SLC9A9: variants seen among roughly 807,000 people sequenced by gnomAD.
SLC9A9 encodes sodium/hydrogen exchanger 9.
In SLC9A9, 62 loss-of-function variants were observed where a neutral mutation model predicts 77.8. The ratio of observed to expected loss-of-function variants is 0.80; its 90% confidence interval spans 0.65 to 0.98. The LOEUF is 0.98. SLC9A9 is among the 50% of genes least tolerant of loss of function. The pLI is 0.00. For missense variants in SLC9A9, 775 were observed against 774.9 expected, an observed-to-expected ratio of 1.00 and a Z score of 0.00; for synonymous variants, 320 against 283.5, an observed-to-expected ratio of 1.13 and a Z score of -1.29.
At chr3:143,610,336 G>C (rs2038004659) in intron 6 of SLC9A9, among the ~76,000 whole-genome samples, 1 of 151,998 alleles carries the variant, frequency 6.6e-6, no homozygotes, top group Non-Finnish European at 1.5e-5. Context: ...CAGTAGAGAA[G>C]GGGTTTCGCC....
At chr3:143,617,948 T>A (rs2038134022) in intron 6 of SLC9A9, among the ~76,000 whole-genome samples, 1 of 151,678 alleles carries the variant, frequency 6.6e-6, no homozygotes, top group South Asian at 2.1e-4. Context: ...ACATAAAGAA[T>A]GGACTACAGG....
At chr3:143,363,433 T>C (rs1236015743) in intron 14 of SLC9A9, 51 bp downstream of exon 14, 3 of 1,544,050 alleles carry the variant, frequency 1.9e-6, no homozygotes, top group Non-Finnish European at 2.7e-6. Context: ...GAGCTTAAAG[T>C]AATTCTCTGC....
At chr3:143,376,821 A>T (rs955473059) in intron 13 of SLC9A9, among the ~76,000 whole-genome samples, 8 of 152,210 alleles carry the variant, frequency 5.3e-5, no homozygotes, top group African/African-American at 1.7e-4. Context: ...TTTTTCTCAA[A>T]ATACCATTAG....
chr3:143,330,537 T>C (rs565011649), intron 14 of SLC9A9, among the ~76,000 whole-genome samples: 1 of 152,354 alleles, frequency 6.6e-6, no homozygotes, highest in South Asian at 2.1e-4. Flanking sequence ...CAAAAATTTA[T>C]TATTAATGGC....
chr3:143,724,826 A>G (rs1934594208), intron 4 of SLC9A9, among the ~76,000 whole-genome samples: 1 of 152,200 alleles, frequency 6.6e-6, no homozygotes, highest in African/African-American at 2.4e-5. Flanking sequence ...CTCATGAATG[A>G]CATTCCTAGG....
intron 8 of SLC9A9, 63 bp from the exon 9 acceptor site, chr3:143,552,513 G>T (rs1353719497): frequency 2.1e-6 from 3 of 1,399,072 alleles, no homozygotes; most frequent in Non-Finnish European, 3.0e-6. Flanking sequence ...TCAAAGGTTA[G>T]GGCTATTCCA....
intron 14 of SLC9A9, among the ~76,000 whole-genome samples, chr3:143,322,316 G>T (rs1051276639): frequency 1.3e-5 from 2 of 152,164 alleles, no homozygotes; most frequent in Non-Finnish European, 2.9e-5. Flanking sequence ...AGAACTAAGA[G>T]ACTGAGGAAG....
intron 13 of SLC9A9, among the ~76,000 whole-genome samples, chr3:143,368,940 A>G (rs1307979437): frequency 6.6e-6 from 1 of 152,248 alleles, no homozygotes; most frequent in African/African-American, 2.4e-5. Context: ...CTGCATAGAA[A>G]GCAGTTTATA....
chr3:143,844,717 CTTT>C, intron 1 of SLC9A9, among the ~76,000 whole-genome samples: 1 of 10,738 alleles, frequency 9.3e-5, no homozygotes, highest in African/African-American at 5.7e-4. Flanking sequence ...CTTTCTCTTT[CTTT>C]CTTTCTTTCT....
intron 12 of SLC9A9, among the ~76,000 whole-genome samples, chr3:143,449,995 T>TATA (rs1345346057): frequency 3.5e-5 from 1 of 28,282 alleles, no homozygotes; most frequent in Admixed American, 6.1e-4. Context: ...TATATATACA[T>TATA]ATATATACAT....
intron 6 of SLC9A9, among the ~76,000 whole-genome samples, chr3:143,607,819 T>C (rs1159248226): frequency 6.6e-6 from 1 of 151,710 alleles, no homozygotes; most frequent in Admixed American, 6.6e-5. Flanking sequence ...ATAACAGATG[T>C]ATATTTAATA....
chr3:143,612,034 T>C (rs574083159), intron 6 of SLC9A9, among the ~76,000 whole-genome samples: 4 of 152,302 alleles, frequency 2.6e-5, no homozygotes, highest in African/African-American at 7.2e-5. Flanking sequence ...TAGGAAACTT[T>C]GAAGTTAAAG....
intron 5 of SLC9A9, among the ~76,000 whole-genome samples, chr3:143,660,864 A>C (rs1426818469): frequency 6.6e-6 from 1 of 152,212 alleles, no homozygotes; most frequent in Non-Finnish European, 1.5e-5. Flanking sequence ...GATTATGCTT[A>C]ACAAGGAAAA....
chr3:143,307,799 C>A (rs926604094), intron 14 of SLC9A9, among the ~76,000 whole-genome samples: 9 of 152,174 alleles, frequency 5.9e-5, no homozygotes, highest in African/African-American at 2.2e-4. Context: ...ACATGCAACC[C>A]ACTAGATACA....
chr3:143,571,114 C>T lies in SLC9A9; in HGVS notation c.1000+2974G>A, dbSNP rs550808761. Reference sequence around the variant, plus strand: ...CTCACTAGACGGATGTTCTTGAGGGCGCACTTTGAAAGGTCAGGGCCTGGG... The same window carrying T: ...CTCACTAGACGGATGTTCTTGAGGGTGCACTTTGAAAGGTCAGGGCCTGGG... On this transcript the variant is annotated intron_variant, in intron 8 of 15. Coordinates refer to ENST00000316549, the MANE Select transcript of SLC9A9 (RefSeq NM_173653.4). 7.9e-5 allele frequency among the ~76,000 whole-genome samples: 12 copies of T among 152,172 alleles called. No homozygotes were observed. In the East Asian group the frequency reaches 1.2e-3, roughly 15 times the overall value.
Position 143,461,760 on chromosome 3 carries a change from T to C in SLC9A9, c.1469+5277A>G, listed in dbSNP as rs552839688. On this transcript the variant is annotated intron_variant, in intron 12 of 15. Coordinates refer to ENST00000316549, the MANE Select transcript of SLC9A9 (RefSeq NM_173653.4). ...TGTTAAACCCACATGAAACTTTGAA[T>C]GCTAGAAAGAAAACCAAACAGAACA... Among the ~76,000 whole-genome samples, 4 of 152,300 alleles carry C rather than the reference T, an allele frequency of 2.6e-5. No individual in the cohort carries two copies. In the South Asian group the frequency reaches 8.3e-4, roughly 32 times the overall value.
intron 4 of SLC9A9, among the ~76,000 whole-genome samples, chr3:143,766,297 G>A (rs1004242286): frequency 6.6e-6 from 1 of 152,190 alleles, no homozygotes; most frequent in Non-Finnish European, 1.5e-5. Flanking sequence ...GTGAGAAAGT[G>A]CCTCATATTG....
chr3:143,570,667 G>A (rs2037242132), intron 8 of SLC9A9, among the ~76,000 whole-genome samples: 1 of 151,962 alleles, frequency 6.6e-6, no homozygotes, highest in Non-Finnish European at 1.5e-5. Flanking sequence ...ATTTTTTAAT[G>A]CTCCATTCAT....
At chr3:143,799,200 G>A (rs1560085215) in intron 2 of SLC9A9, among the ~76,000 whole-genome samples, 3 of 152,238 alleles carry the variant, frequency 2.0e-5, no homozygotes, top group Admixed American at 2.0e-4. Flanking sequence ...ACCCAGCCCA[G>A]TCCATGGCCC....
Sources: gnomAD v4.1 joint callset for allele counts (sites outside exome capture counted in the v4.1 genomes callset) on GRCh38, gnomAD v4.1.1 for gene constraint, MANE v1.5 for transcripts, NCBI Gene and HGNC (gene_info 2026-07-23, HGNC 2026-07-21) for gene names.